Variants in CMYA5 observed in about 807,000 individuals in gnomAD.
The protein encoded by CMYA5 is cardiomyopathy-associated protein 5.
A neutral mutation model predicts 318.9 loss-of-function variants in CMYA5; 246 were observed. That is an observed-to-expected ratio of 0.77 (90% confidence interval 0.70 to 0.86). CMYA5 has a LOEUF of 0.86. Among genes scored for constraint, CMYA5 ranks in the 40% least tolerant of loss-of-function variants. The pLI is 0.00. For synonymous variants in CMYA5, 1,641 were observed against 1,729.5 expected (o/e 0.95, Z 1.27); for missense variants, 4,589 against 4,678.2 (o/e 0.98, Z 0.56).
rs771681324 is a variant in CMYA5, at chr5:79,733,205, T to A, written c.4440T>A (p.Ser1480=). The change falls in exon 2 of 13, where the codon TCT becomes TCA. Residue 1480 remains serine (S), a synonymous_variant. Transcript: ENST00000446378. ...AGLPVIKTSS[S]QHSDKSEEAR... is the part of the protein sequence containing the mutation. ...TGCCAGTAATCAAAACATCATCTTC[T>A]CAGCATTCAGATAAATCTGAGGAAG... 2 of 1,613,712 alleles carry A rather than the reference T, an allele frequency of 1.2e-6. No homozygotes were observed. Among genetic ancestry groups the A allele is most frequent in the Non-Finnish European group, 1.7e-6 (2 of 1,179,778 alleles).
chr5:79,760,495 C>T (rs1240578249), intron 7 of CMYA5, among the ~76,000 whole-genome samples: 1 of 152,114 alleles, frequency 6.6e-6, no homozygotes, highest in Non-Finnish European at 1.5e-5. Context: ...GGAAGCATGG[C>T]AGAGGAGGCC....
chr5:79,716,432 T>G (rs1827518400), intron 1 of CMYA5, among the ~76,000 whole-genome samples: 1 of 152,148 alleles, frequency 6.6e-6, no homozygotes, highest in Non-Finnish European at 1.5e-5. Flanking sequence ...CAAGGAATAT[T>G]TAATGTTGGT....
intron 9 of CMYA5, among the ~76,000 whole-genome samples, chr5:79,767,070 T>C (rs1215771462): frequency 1.3e-5 from 2 of 152,236 alleles, no homozygotes; most frequent in African/African-American, 2.4e-5. Context: ...CCATTTCTTC[T>C]ACATTTTCAA....
intron 1 of CMYA5, 117 bp from the exon 2 acceptor site, chr5:79,728,798 A>T (rs1235897245): frequency 1.1e-5 from 5 of 449,386 alleles, no homozygotes; most frequent in Non-Finnish European, 1.0e-5. Flanking sequence ...GGCAATATTG[A>T]TGTCTGTATT....
intron 6 of CMYA5, among the ~76,000 whole-genome samples, chr5:79,754,419 G>A (rs1828490089): frequency 6.6e-6 from 1 of 152,168 alleles, no homozygotes; most frequent in Non-Finnish European, 1.5e-5. Context: ...AACCCAAGGA[G>A]GTAGGTTTTG....
rs543484777 is a variant in CMYA5, at chr5:79,743,972, G to A, written c.10734+50G>A. On this transcript the variant is annotated intron_variant, in intron 3 of 12. Coordinates refer to ENST00000446378, the MANE Select transcript of CMYA5 (RefSeq NM_153610.5). ...TTAACCTGGCTTGTTCACAGTATCA[G>A]AAGTAAATGATTCTGAGGTGAAGGG... 558 of 908,210 alleles carry A rather than the reference G, an allele frequency of 6.1e-4. 9 individuals are homozygous for A. In the South Asian group the frequency reaches 6.2e-3, roughly 10 times the overall value. The allele number at this position is 908,210 out of a possible 1,614,324, so 56.3% of individuals were successfully genotyped here. A position where few individuals can be genotyped will look rare whatever the true frequency, so the allele number is the denominator to read the frequency against.
At chr5:79,745,558 G>T (rs1013315889) in intron 4 of CMYA5, 103 bp downstream of exon 4, 3 of 772,026 alleles carry the variant, frequency 3.9e-6, no homozygotes, top group Non-Finnish European at 2.2e-6. Flanking sequence ...TTATATCTCT[G>T]TGTGGGATTT....
chr5:79,736,536 G>T lies in CMYA5; in HGVS notation c.7771G>T (p.Ala2591Ser). ...AACTCAATCATTTTCATTAGTTAAA[G>T]CTACATCAGTTACTGAAAAATCAGA... Reference protein sequence around the residue: ...GETQSFSLVKATSVTEKSEAM... With the variant: ...GETQSFSLVKSTSVTEKSEAM... Residue 2591 changes from alanine (A) to serine (S), a missense_variant, in exon 2 of 13, where the codon GCT becomes TCT. Ala to Ser is a moderately conservative substitution (Grantham distance 99). Coordinates refer to ENST00000446378, the MANE Select transcript of CMYA5 (RefSeq NM_153610.5). The T allele has an allele frequency of 6.2e-7, 1 of 1,613,530 alleles. No individual in the cohort carries two copies. Among genetic ancestry groups the T allele is most frequent in the Non-Finnish European group, 8.5e-7 (1 of 1,179,702 alleles).
chr5:79,794,050 G>A (rs1829229495), intron 12 of CMYA5, among the ~76,000 whole-genome samples: 1 of 152,162 alleles, frequency 6.6e-6, no homozygotes, highest in African/African-American at 2.4e-5. Flanking sequence ...AGACCACAAG[G>A]GTAATGCTAA....
At chr5:79,705,583 C>G (rs58019126) in intron 1 of CMYA5, among the ~76,000 whole-genome samples, 2,310 of 152,250 alleles carry the variant, frequency 0.015, 69 homozygotes, top group African/African-American at 0.052. Flanking sequence ...CACACATCTT[C>G]CCACTGCAAA....
At position 79,735,780 on chromosome 5, in the gene CMYA5, C is replaced by T. The variant is rs755210556; in HGVS notation, c.7015C>T (p.His2339Tyr). 1.3e-6 allele frequency: 2 copies of T among 1,563,754 alleles called. No homozygotes were observed. Among genetic ancestry groups the T allele is most frequent in the South Asian group, 1.3e-5 (1 of 79,680 alleles). Residue 2339 changes from histidine to tyrosine, a missense_variant, in exon 2 of 13, where the codon CAT (histidine) becomes TAT (tyrosine). By Grantham distance (83) the His-to-Tyr change is moderately conservative (BLOSUM62 2). This residue lies in a region of CMYA5 where 2,431 missense variants were observed against 2,495.1 expected (regional missense o/e 0.97). Transcript: ENST00000446378. ...AGAAGCCAAAACTATTGTTCCTCCT[C>T]ATGTTACTGATAGTAAAAGAGTCCA... Reference protein sequence around the residue: ...MEEAKTIVPPHVTDSKRVQKP... With the variant: ...MEEAKTIVPPYVTDSKRVQKP...
At chr5:79,794,610 T>C (rs1220294358) in intron 12 of CMYA5, among the ~76,000 whole-genome samples, 2 of 152,208 alleles carry the variant, frequency 1.3e-5, no homozygotes, top group African/African-American at 2.4e-5. Context: ...GCTTGCTACC[T>C]TGTGGGGCTG....
intron 1 of CMYA5, among the ~76,000 whole-genome samples, chr5:79,690,340 A>C (rs991674238): frequency 9.9e-5 from 15 of 152,190 alleles, no homozygotes; most frequent in African/African-American, 3.1e-4. Flanking sequence ...TAACTGCCGA[A>C]ATGTGCTGGA....
Position 79,691,529 on chromosome 5 carries a change from T to G in CMYA5, c.149+1473T>G, listed in dbSNP as rs1580740141. On this transcript the variant is annotated intron_variant, in intron 1 of 12. Transcript: ENST00000446378. ...TTCAGCCTGTTCTGACTACAGACAG[T>G]AAGGTGGACACCAGGGAAAGAGGTC... 2.6e-5 allele frequency among the ~76,000 whole-genome samples: 4 copies of G among 152,162 alleles called. No homozygotes were observed. In the South Asian group the frequency reaches 8.3e-4, roughly 32 times the overall value.
chr5:79,744,403 C>A (rs79638198), intron 3 of CMYA5, among the ~76,000 whole-genome samples: 7,935 of 152,262 alleles, frequency 0.052, 310 homozygotes, highest in Non-Finnish European at 0.075. Flanking sequence ...TGAGTTCATA[C>A]TCTCCTAGCT....
At chr5:79,774,844 G>A in intron 9 of CMYA5, among the ~76,000 whole-genome samples, 1 of 152,186 alleles carries the variant, frequency 6.6e-6, no homozygotes, top group East Asian at 1.9e-4. Context: ...ACAAATAAGG[G>A]TAAGTTTCCT....
Position 79,731,971 on chromosome 5 carries a change from T to C in CMYA5, c.3206T>C (p.Phe1069Ser). Reference sequence around the variant, plus strand: ...TCACAGAAGCAAAAAGCTGAAACTTTCCCTTTGATGTCTCCGCTTGAAGAC... The same window carrying C: ...TCACAGAAGCAAAAAGCTGAAACTTCCCCTTTGATGTCTCCGCTTGAAGAC... ...SSSQKQKAETFPLMSPLEDLS... is the reference protein window; with the variant it reads ...SSSQKQKAETSPLMSPLEDLS... Residue 1069 changes from phenylalanine to serine, a missense_variant, in exon 2 of 13, where the codon TTC (phenylalanine) becomes TCC (serine). Phe to Ser is a radical substitution (Grantham distance 155). Around this residue, in one of 3 missense-constraint regions of CMYA5, gnomAD observed 2,132 missense variants for 2,131.3 expected, o/e 1.00. Coordinates refer to ENST00000446378, the MANE Select transcript of CMYA5 (RefSeq NM_153610.5). 6.2e-7 allele frequency: 1 copy of C among 1,613,570 alleles called. No individual in the cohort carries two copies. Among genetic ancestry groups the C allele is most frequent in the East Asian group, 2.2e-5 (1 of 44,874 alleles).
intron 5 of CMYA5, among the ~76,000 whole-genome samples, chr5:79,751,167 A>T (rs187109500): frequency 1.3e-5 from 2 of 152,134 alleles, no homozygotes; most frequent in Admixed American, 1.3e-4. Context: ...CCCTTTTATA[A>T]CAATTTTGTG....
In CMYA5 at chr5:79,752,680, C is replaced by T. The variant is rs775226330; in HGVS notation, c.10996C>T (p.Leu3666Phe). ...TAGAGCTCTATTCCCCGATAGGTTG[C>T]TTTCTGCAATGGAGAGCACTGCTTC... ...TSFEEINERL[L>F]SAMESTASLE... Residue 3666 changes from leucine (L) to phenylalanine (F), a missense_variant, in exon 6 of 13, where the codon CTT (leucine) becomes TTT (phenylalanine). Coordinates refer to ENST00000446378, the MANE Select transcript of CMYA5 (RefSeq NM_153610.5). 7 of 1,610,400 alleles carry T rather than the reference C, an allele frequency of 4.3e-6. No individual in the cohort carries two copies. Among genetic ancestry groups the T allele is most frequent in the African/African-American group, 1.3e-5 (1 of 74,766 alleles).
Sources: allele counts gnomAD v4.1 joint callset (sites outside exome capture counted in the v4.1 genomes callset), GRCh38; gene constraint gnomAD v4.1.1; regional missense constraint gnomAD v4.1.1; transcripts MANE v1.5; gene names NCBI Gene and HGNC (gene_info 2026-07-23, HGNC 2026-07-21).